Variants in PALM2AKAP2 observed in about 807,000 individuals in gnomAD.
The protein encoded by PALM2AKAP2 is PALM2-AKAP2 fusion protein.
A neutral mutation model predicts 71.5 loss-of-function variants in PALM2AKAP2; 37 were observed. The ratio of observed to expected loss-of-function variants is 0.52; its 90% CI spans 0.40 to 0.68. The LOEUF (loss-of-function observed/expected upper bound fraction) is 0.68, where lower values mean the gene tolerates loss of function less well. Among genes scored for constraint, PALM2AKAP2 ranks in the 30% least tolerant of loss-of-function variants. PALM2AKAP2 has a pLI of 0.00. For synonymous variants in PALM2AKAP2, 468 were observed against 478.8 expected, an observed-to-expected ratio of 0.98 and a Z score of 0.29; for missense variants, 1,224 against 1,191.8, an observed-to-expected ratio of 1.03 and a Z score of -0.40.
At chr9:109,943,087 G>T in intron 6 of PALM2AKAP2, 1 of 1,614,260 alleles carries the variant, frequency 6.2e-7, no homozygotes, top group Non-Finnish European at 8.5e-7. Context: ...CCCCAGCGCT[G>T]CAGGGCCGGA....
At chr9:110,134,811 G>A (rs899917219) in intron 1 of PALM2AKAP2, among the ~76,000 whole-genome samples, 3 of 151,992 alleles carry the variant, frequency 2.0e-5, no homozygotes, top group Non-Finnish European at 4.4e-5. Context: ...AATAATACCA[G>A]GCACATTATA....
intron 6 of PALM2AKAP2, among the ~76,000 whole-genome samples, chr9:109,977,538 G>A (rs1832192785): frequency 6.6e-6 from 1 of 152,184 alleles, no homozygotes; most frequent in Non-Finnish European, 1.5e-5. Context: ...TGTGTTTCCT[G>A]ATGGTTCTCT....
Position 110,067,073 on chromosome 9 carries a change from G to GATA in PALM2AKAP2, c.156+18218_156+18219insATA, listed in dbSNP as rs202127177. ...CACTGGGAAGATAGAGAATGAGGAA[G>GATA]GAGAATGACTATTAGTCATTCTAAC... On this transcript the variant is annotated intron_variant, in intron 1 of 3. Transcript: ENST00000374525. Among the ~76,000 whole-genome samples the GATA allele has an allele frequency of 2.8e-3, 432 of 152,188 alleles. 8 individuals are homozygous for GATA. Among genetic ancestry groups the GATA allele is most frequent in the East Asian group, 0.012 (63 of 5,184 alleles).
At chr9:109,881,165 T>C (rs1415319675) in intron 3 of PALM2AKAP2, among the ~76,000 whole-genome samples, 1 of 152,188 alleles carries the variant, frequency 6.6e-6, no homozygotes, top group Non-Finnish European at 1.5e-5. Flanking sequence ...GTTAGTTTGG[T>C]AAGGATAATG....
chr9:109,999,524 T>C (rs1832640961), intron 6 of PALM2AKAP2, among the ~76,000 whole-genome samples: 1 of 152,170 alleles, frequency 6.6e-6, no homozygotes. Context: ...CTCTGCCTTC[T>C]CTCTTGTAGC....
At chr9:109,811,720 T>G (rs965404655) in intron 1 of PALM2AKAP2, among the ~76,000 whole-genome samples, 1 of 152,088 alleles carries the variant, frequency 6.6e-6, no homozygotes, top group African/African-American at 2.4e-5. Flanking sequence ...TACAGGTGTG[T>G]GCCACCATGC....
chr9:109,859,334 AG>A (rs1304527147), intron 1 of PALM2AKAP2, among the ~76,000 whole-genome samples: 1 of 152,212 alleles, frequency 6.6e-6, no homozygotes, highest in Non-Finnish European at 1.5e-5. Context: ...ACAGTTAGGT[AG>A]AAGGAATAAG....
intron 3 of PALM2AKAP2, among the ~76,000 whole-genome samples, chr9:109,912,373 C>T (rs188332113): frequency 1.3e-4 from 19 of 151,896 alleles, no homozygotes; most frequent in Admixed American, 9.8e-4. Context: ...CAAGGAAGGC[C>T]CTGTTCTTTC....
At chr9:109,865,173 A>G (rs929837133) in intron 1 of PALM2AKAP2, among the ~76,000 whole-genome samples, 3 of 124,528 alleles carry the variant, frequency 2.4e-5, no homozygotes, top group Non-Finnish European at 4.7e-5. Context: ...ATCTTGGCTC[A>G]TGGCAACCTC....
At chr9:109,917,242 C>G (rs1210427760) in intron 3 of PALM2AKAP2, among the ~76,000 whole-genome samples, 1 of 152,174 alleles carries the variant, frequency 6.6e-6, no homozygotes, top group Non-Finnish European at 1.5e-5. Context: ...AATGGATTCT[C>G]CCCTAGAGCC....
At chr9:109,996,613 C>T (rs1240912436) in intron 6 of PALM2AKAP2, among the ~76,000 whole-genome samples, 1 of 152,234 alleles carries the variant, frequency 6.6e-6, no homozygotes, top group African/African-American at 2.4e-5. Flanking sequence ...GTTTAAAACG[C>T]ACCTTTGAGG....
chr9:110,166,274 G>T (rs1462020152), intron 3 of PALM2AKAP2, among the ~76,000 whole-genome samples: 1 of 152,180 alleles, frequency 6.6e-6, no homozygotes, highest in African/African-American at 2.4e-5. Context: ...AAGCACAGGG[G>T]TAAGTGACTT....
exon 4 of PALM2AKAP2, chr9:110,168,416 G>T (rs781719301): frequency 1.2e-6 from 2 of 1,614,082 alleles, no homozygotes; most frequent in Non-Finnish European, 1.7e-6. Flanking sequence ...AGGCCACACG[G>T]GTTAATCGAA....
chr9:109,975,845 C>A (rs1832162963), intron 6 of PALM2AKAP2, among the ~76,000 whole-genome samples: 1 of 152,170 alleles, frequency 6.6e-6, no homozygotes, highest in African/African-American at 2.4e-5. Flanking sequence ...TGCTGGGGAA[C>A]CACGGGGCCT....
intron 1 of PALM2AKAP2, among the ~76,000 whole-genome samples, chr9:109,697,783 T>C (rs1408317902): frequency 6.6e-6 from 1 of 152,226 alleles, no homozygotes; most frequent in Non-Finnish European, 1.5e-5. Context: ...ACTTCCCTTA[T>C]AGATAATGGC....
intron 7 of PALM2AKAP2, chr9:110,025,320 A>G: frequency 4.2e-6 from 5 of 1,196,392 alleles, no homozygotes; most frequent in South Asian, 1.2e-5. Flanking sequence ...TAGAGAACAT[A>G]TGTCGGGAGC....
At position 109,985,451 on chromosome 9, in the gene PALM2AKAP2, C is replaced by G. The variant is rs372669983; in HGVS notation, c.497-30503C>G. On this transcript the variant is annotated intron_variant, in intron 6 of 9. Coordinates refer to the PALM2AKAP2 transcript ENST00000302798. ...TGGCTAACACAGTGAAACCCCGTCT[C>G]TACTAAAAATACAAAAAAATTAGCC... Among the ~76,000 whole-genome samples the G allele has an allele frequency of 1.2e-4, 18 of 151,482 alleles. No individual in the cohort carries two copies. In the East Asian group the frequency reaches 2.2e-3, roughly 19 times the overall value.
chr9:109,719,452 C>A (rs1234259369), intron 1 of PALM2AKAP2, among the ~76,000 whole-genome samples: 4 of 152,144 alleles, frequency 2.6e-5, no homozygotes, highest in African/African-American at 9.7e-5. Flanking sequence ...AAAGAAGTGG[C>A]TCAAGATTTC....
rs575418751 is a variant in PALM2AKAP2, at chr9:110,021,803, C to T, written c.582+5764C>T. Among the ~76,000 whole-genome samples the T allele has an allele frequency of 5.3e-5, 8 of 151,722 alleles. No homozygotes were observed. The East Asian group carries it at 1.5e-3, about 29-fold the overall frequency. Reference sequence around the variant, plus strand: ...TGAAATGCCTGACCCTGAGAATCACCTGCAGCAATGTAGAAAACAACAATA... The same window carrying T: ...TGAAATGCCTGACCCTGAGAATCACTTGCAGCAATGTAGAAAACAACAATA... On this transcript the variant is annotated intron_variant, in intron 7 of 9. Coordinates refer to the PALM2AKAP2 transcript ENST00000302798.
Sources: allele counts gnomAD v4.1 joint callset (sites outside exome capture counted in the v4.1 genomes callset), GRCh38; gene constraint gnomAD v4.1.1; transcripts MANE v1.5; gene names NCBI Gene and HGNC (gene_info 2026-07-23, HGNC 2026-07-21).